COL25A1: variants seen among roughly 807,000 people sequenced by gnomAD.
The protein encoded by COL25A1 is collagen type XXV alpha 1 chain.
COL25A1 carries 103 observed loss-of-function variants against 128.4 expected under a neutral mutation model. That is an observed-to-expected ratio of 0.80 (90% CI 0.68 to 0.94). COL25A1 has a LOEUF of 0.94. Ranked by LOEUF, COL25A1 falls within the 40% of genes least tolerant of loss-of-function variation. The pLI, the probability that COL25A1 is intolerant of heterozygous loss-of-function variation, is 0.00. For missense variants in COL25A1, 745 were observed against 840.0 expected (o/e 0.89, Z 1.40); for synonymous variants, 279 against 277.2 (o/e 1.01, Z -0.06).
At chr4:109,116,041 T>A (rs1767522082) in intron 3 of COL25A1, among the ~76,000 whole-genome samples, 1 of 151,908 alleles carries the variant, frequency 6.6e-6, no homozygotes. Flanking sequence ...AATCAAAACT[T>A]AACTGGAACT....
chr4:109,095,313 T>C (rs1009613442), intron 3 of COL25A1, among the ~76,000 whole-genome samples: 3 of 152,256 alleles, frequency 2.0e-5, no homozygotes, highest in African/African-American at 7.2e-5. Flanking sequence ...TTTTAAGGAC[T>C]GAGCTTTCTT....
chr4:108,991,634 G>A (rs966366540), intron 6 of COL25A1, among the ~76,000 whole-genome samples: 2 of 148,810 alleles, frequency 1.3e-5, no homozygotes, highest in African/African-American at 4.9e-5. Context: ...CAGTTCTGTT[G>A]TGTAGTGAGC....
intron 21 of COL25A1, 82 bp from the exon 22 acceptor site, chr4:108,862,627 A>C: frequency 1.8e-6 from 2 of 1,124,130 alleles, no homozygotes; most frequent in Non-Finnish European, 2.7e-6. Context: ...GCAGTGACTC[A>C]GAATAATGAA....
At chr4:109,169,704 T>G (rs982597) in intron 3 of COL25A1, among the ~76,000 whole-genome samples, 1 of 151,992 alleles carries the variant, frequency 6.6e-6, no homozygotes, top group Non-Finnish European at 1.5e-5. Context: ...GTTAATTGTA[T>G]CTTTTCTTCA....
chr4:108,845,394 T>C (rs1734971713), intron 28 of COL25A1, 143 bp from the exon 29 acceptor site: 1 of 662,516 alleles, frequency 1.5e-6, no homozygotes, highest in Non-Finnish European at 2.7e-6. Context: ...TTTATCTCCT[T>C]GAATTCTAGC....
rs528533198 is a variant in COL25A1 at position 108,994,771 on chromosome 4, G to A, written c.438+15587C>T. On this transcript the variant is annotated intron_variant, in intron 6 of 37. Coordinates refer to ENST00000399132, the MANE Select transcript of COL25A1 (RefSeq NM_198721.4). Reference sequence around the variant, plus strand: ...TCTGGGACAAAGCTTCCAGAGGAAGGATCAGGCAGCAATATTTGCTGTTCT... The same window carrying A: ...TCTGGGACAAAGCTTCCAGAGGAAGAATCAGGCAGCAATATTTGCTGTTCT... Among the ~76,000 whole-genome samples, 24 of 152,272 alleles carry A rather than the reference G, an allele frequency of 1.6e-4. No individual in the cohort carries two copies. The South Asian group carries it at 5.0e-3, about 32-fold the overall frequency.
intron 31 of COL25A1, among the ~76,000 whole-genome samples, chr4:108,835,074 A>G (rs1318502628): frequency 6.6e-6 from 1 of 152,214 alleles, no homozygotes; most frequent in Admixed American, 6.5e-5. Flanking sequence ...TTGTTTCTCA[A>G]TTCCTTCAAA....
At chr4:108,834,355 C>G (rs1733525687) in intron 31 of COL25A1, 10 of 1,550,482 alleles carry the variant, frequency 6.4e-6, no homozygotes, top group Non-Finnish European at 8.7e-6. Flanking sequence ...ACTGACTCAC[C>G]CGGGATCCTG....
intron 5 of COL25A1, among the ~76,000 whole-genome samples, chr4:109,020,315 C>G (rs189569543): frequency 6.6e-6 from 1 of 152,078 alleles, no homozygotes; most frequent in Admixed American, 6.5e-5. Context: ...ACTAATATTA[C>G]TTAGATAAGA....
chr4:109,275,844 C>T (rs1351474202), intron 3 of COL25A1, among the ~76,000 whole-genome samples: 1 of 152,166 alleles, frequency 6.6e-6, no homozygotes, highest in African/African-American at 2.4e-5. Context: ...CTAGCTACCA[C>T]CCTGATGCCA....
chr4:109,065,882 G>A (rs2125974406), intron 3 of COL25A1, among the ~76,000 whole-genome samples: 1 of 152,262 alleles, frequency 6.6e-6, no homozygotes, highest in African/African-American at 2.4e-5. Flanking sequence ...ATGATGAAAT[G>A]CAATATGGTC....
At chr4:109,114,313 A>G (rs1402751453) in intron 3 of COL25A1, among the ~76,000 whole-genome samples, 1 of 151,710 alleles carries the variant, frequency 6.6e-6, no homozygotes, top group Admixed American at 6.6e-5. Context: ...CCTGAGATCA[A>G]CAGGATTACA....
At chr4:109,024,302 C>G (rs932151276) in intron 5 of COL25A1, among the ~76,000 whole-genome samples, 3 of 152,068 alleles carry the variant, frequency 2.0e-5, no homozygotes, top group African/African-American at 7.2e-5. Context: ...CTGTAAATAT[C>G]TGACTATTTC....
At chr4:108,898,275 G>GT (rs1051093732) in intron 15 of COL25A1, among the ~76,000 whole-genome samples, 7 of 151,560 alleles carry the variant, frequency 4.6e-5, no homozygotes, top group East Asian at 1.9e-4. Flanking sequence ...TAAATAAATG[G>GT]TTTTTTTTCT....
chr4:108,828,688 G>GTGTT (rs1404038961), intron 32 of COL25A1, among the ~76,000 whole-genome samples: 3 of 152,214 alleles, frequency 2.0e-5, no homozygotes, highest in African/African-American at 7.2e-5. Flanking sequence ...CCAAATTGAA[G>GTGTT]TGTTTGTCAG....
chr4:109,013,796 G>A (rs545905204), intron 5 of COL25A1, among the ~76,000 whole-genome samples: 1 of 152,214 alleles, frequency 6.6e-6, no homozygotes, highest in Admixed American at 6.5e-5. Flanking sequence ...ACATCAGAAG[G>A]AACAAACTCC....
chr4:109,126,092 T>C (rs986752921), intron 3 of COL25A1, among the ~76,000 whole-genome samples: 1 of 152,168 alleles, frequency 6.6e-6, no homozygotes, highest in African/African-American at 2.4e-5. Flanking sequence ...AGAAAACATG[T>C]ATGTAAGAAA....
intron 6 of COL25A1, among the ~76,000 whole-genome samples, chr4:108,999,982 G>C (rs930755235): frequency 6.6e-6 from 1 of 152,120 alleles, no homozygotes; most frequent in Non-Finnish European, 1.5e-5. Flanking sequence ...GGGGGCCTGG[G>C]GGAGGGATAT....
At chr4:109,263,226 G>C (rs1781564667) in intron 3 of COL25A1, among the ~76,000 whole-genome samples, 1 of 152,102 alleles carries the variant, frequency 6.6e-6, no homozygotes, top group Non-Finnish European at 1.5e-5. Flanking sequence ...ATCATGTTGG[G>C]GAGTTGCTAG....
Sources: allele counts gnomAD v4.1 joint callset (sites outside exome capture counted in the v4.1 genomes callset), GRCh38; gene constraint gnomAD v4.1.1; transcripts MANE v1.5; gene names NCBI Gene and HGNC (gene_info 2026-07-23, HGNC 2026-07-21).